Variants in PLIN2 observed in about 807,000 individuals in gnomAD.
PLIN2 encodes perilipin 2.
In PLIN2, 33 loss-of-function variants were observed where a neutral mutation model predicts 30.6. The observed-to-expected ratio is 1.08, with a 90% CI of 0.82 to 1.44. The LOEUF (loss-of-function observed/expected upper bound fraction) is 1.44, where lower values mean the gene tolerates loss of function less well. Among genes scored for constraint, PLIN2 ranks in the 40% most tolerant of loss-of-function variants. PLIN2 has a pLI of 0.00. For synonymous variants in PLIN2, 205 were observed against 201.1 expected (o/e 1.02, Z -0.16); for missense variants, 610 against 531.8 (o/e 1.15, Z -1.45).
At chr9:19,120,213 C>T (rs751883208) in intron 5 of PLIN2, among the ~76,000 whole-genome samples, 3 of 152,010 alleles carry the variant, frequency 2.0e-5, no homozygotes, top group Non-Finnish European at 2.9e-5. Context: ...AACAAGCCAC[C>T]ATGCCCAGCT....
Position 19,116,147 on chromosome 9 carries a change from G to C in PLIN2, c.*101C>G. 8.6e-7 allele frequency: 1 copy of C among 1,160,832 alleles called. No individual in the cohort carries two copies. Among genetic ancestry groups the C allele is most frequent in the African/African-American group, 1.5e-5 (1 of 65,134 alleles). 71.9% of individuals were successfully genotyped at this position (1,160,832 alleles called of 1,614,324 possible). ...ACTACAATTGAGGGCCTTTATACTA[G>C]CTACTTGCTTCCCAATTTAGGGTTG... is the stretch of plus-strand genomic sequence containing the variant. On this transcript the variant is annotated 3_prime_UTR_variant, in exon 8 of 8. Transcript: ENST00000276914.
intron 2 of PLIN2, among the ~76,000 whole-genome samples, chr9:19,109,532 C>T (rs532464012): frequency 5.1e-5 from 6 of 116,636 alleles, no homozygotes; most frequent in African/African-American, 1.6e-4. Flanking sequence ...CAGAGCGAGA[C>T]TCTGTCTGAA....
chr9:19,126,047 T>C, intron 3 of PLIN2, 67 bp downstream of exon 3: 1 of 1,363,982 alleles, frequency 7.3e-7, no homozygotes, highest in Admixed American at 1.8e-5. Flanking sequence ...CAGATGTTAC[T>C]GCTGTGAGCT....
intron 6 of PLIN2, among the ~76,000 whole-genome samples, chr9:19,118,941 C>G (rs1004892497): frequency 2.0e-5 from 3 of 152,208 alleles, no homozygotes; most frequent in Non-Finnish European, 4.4e-5. Flanking sequence ...GATCCAACCA[C>G]CTTGCCCTCC....
At chr9:19,122,064 G>T (rs545916721) in intron 4 of PLIN2, among the ~76,000 whole-genome samples, 24 of 124,968 alleles carry the variant, frequency 1.9e-4, no homozygotes, top group African/African-American at 7.4e-4. Context: ...AGCCGAGATT[G>T]TGCCACTGCA....
chr9:19,118,913 G>A (rs952966754), intron 6 of PLIN2, among the ~76,000 whole-genome samples: 1 of 152,130 alleles, frequency 6.6e-6, no homozygotes, highest in African/African-American at 2.4e-5. Context: ...GACTGGTCTC[G>A]AACTCCTGAC....
At chr9:19,113,700 A>G (rs1818184972), downstream of PLIN2, among the ~76,000 whole-genome samples, 1 of 151,496 alleles carries the variant, frequency 6.6e-6, no homozygotes. Flanking sequence ...TCAGCCCCCA[A>G]GTAGCTGGGG....
At chr9:19,111,958 T>C (rs992118499), downstream of PLIN2, among the ~76,000 whole-genome samples, 3 of 152,098 alleles carry the variant, frequency 2.0e-5, no homozygotes, top group Non-Finnish European at 4.4e-5. Flanking sequence ...TTCCTAACCA[T>C]GAGCTGGTAT....
chr9:19,117,213 G>A (rs916932244), intron 7 of PLIN2, among the ~76,000 whole-genome samples: 5 of 149,402 alleles, frequency 3.3e-5, no homozygotes, highest in African/African-American at 4.9e-5. Context: ...CAGGCTGGAG[G>A]GCACTGGCAC....
Position 19,116,398 on chromosome 9 carries a change from C to T in PLIN2, c.1164G>A (p.Val388=). The change falls in exon 8 of 8, where the codon GTG becomes GTA. Residue 388 remains valine (V), a synonymous_variant. Coordinates refer to ENST00000276914, the MANE Select transcript of PLIN2 (RefSeq NM_001122.4). ...LQKMKESLDD[V]MDYLVNNTPL... ...GCGTGTTGTTAACAAGATAATCCAT[C>T]ACGTCATCTAAAGATTCCTTCATTT... 1 of 1,614,220 alleles carries T rather than the reference C, an allele frequency of 6.2e-7. No individual in the cohort carries two copies. The highest frequency in any genetic ancestry group is 2.2e-5 in the East Asian group (1 of 44,888).
chr9:19,111,314 C>T (rs1818156598), downstream of PLIN2, among the ~76,000 whole-genome samples: 3 of 152,152 alleles, frequency 2.0e-5, no homozygotes. Flanking sequence ...TCCCAAAGTG[C>T]TAGGATTACA....
downstream of PLIN2, among the ~76,000 whole-genome samples, chr9:19,113,773 G>GTT (rs753031655): frequency 0.035 from 4,975 of 143,640 alleles, 134 homozygotes; most frequent in Non-Finnish European, 0.052. Context: ...TGTTATTTTT[G>GTT]GTTTTTTTTT....
In PLIN2 at chr9:19,126,261, C is replaced by T; in HGVS notation, c.79G>A (p.Asp27Asn). ...VNLPLVSSTY[D>N]LMSSAYLSTK... ...CTGAGATAGGCTGAGGACATGAGGT[C>T]ATACGTGGAGCTCACCAAGGGCAGG... The change falls in exon 3 of 8, where the codon GAC becomes AAC. Residue 27 changes from aspartate to asparagine, a missense_variant. Physicochemically the swap from Asp to Asn is conservative, Grantham distance 23. Coordinates refer to ENST00000276914, the MANE Select transcript of PLIN2 (RefSeq NM_001122.4). 6.2e-7 allele frequency: 1 copy of T among 1,614,142 alleles called. No homozygotes were observed. Among genetic ancestry groups the T allele is most frequent in the Non-Finnish European group, 8.5e-7 (1 of 1,180,018 alleles).
chr9:19,121,223 C>T, intron 4 of PLIN2, 58 bp from the exon 5 acceptor site: 1 of 1,493,166 alleles, frequency 6.7e-7, no homozygotes, highest in Non-Finnish European at 9.3e-7. Flanking sequence ...AAGGACATAC[C>T]TAAGGTCTTA....
chr9:19,118,389 A>G lies in PLIN2; in HGVS notation c.844T>C (p.Tyr282His), dbSNP rs144608280. 2.1e-5 allele frequency: 34 copies of G among 1,612,560 alleles called. No homozygotes were observed. The African/African-American group carries it at 4.4e-4, about 21-fold the overall frequency. ...CTTTTCCACTCTACCCATGAGAGGT[A>G]GAGCTTATCCTGAGCATCCTGAATT... ...QKIQDAQDKL[Y>H]LSWVEWKRSI... The change falls in exon 7 of 8, where the codon TAC (tyrosine) becomes CAC (histidine). Residue 282 changes from tyrosine to histidine, a missense_variant. Physicochemically the swap from Tyr to His is moderately conservative, Grantham distance 83 (BLOSUM62 2). Transcript: ENST00000276914.
intron 6 of PLIN2, among the ~76,000 whole-genome samples, chr9:19,118,781 C>T (rs1467842436): frequency 6.6e-6 from 1 of 152,176 alleles, no homozygotes; most frequent in Non-Finnish European, 1.5e-5. Context: ...GGCGCGATCA[C>T]AGCTCACTGA....
chr9:19,125,307 C>T (rs1818378317), intron 3 of PLIN2, among the ~76,000 whole-genome samples: 1 of 152,198 alleles, frequency 6.6e-6, no homozygotes, highest in African/African-American at 2.4e-5. Flanking sequence ...AGTCCTAGCA[C>T]TTTGGGAGGC....
At chr9:19,108,617 T>G (rs1165297940) in exon 3 of PLIN2, 1 of 152,666 alleles carries the variant, frequency 6.6e-6, no homozygotes, top group African/African-American at 2.4e-5. Context: ...TGTTAGTTAT[T>G]CAACATCTTG....
chr9:19,121,100 C>A lies in PLIN2; in HGVS notation c.375G>T (p.Gly125=). 1.9e-6 allele frequency: 3 copies of A among 1,614,148 alleles called. No homozygotes were observed. Among genetic ancestry groups the A allele is most frequent in the Non-Finnish European group, 2.5e-6 (3 of 1,180,012 alleles). The change falls in exon 5 of 8, where the codon GGG becomes GGT. Residue 125 remains glycine (G), a synonymous_variant. Coordinates refer to ENST00000276914, the MANE Select transcript of PLIN2 (RefSeq NM_001122.4). ...AKDAVTTTVT[G]AKDSVASTIT... ...TCGTGCTGGCCACAGAATCCTTGGC[C>A]CCAGTCACAGTAGTCGTCACAGCAT... is the stretch of plus-strand genomic sequence containing the variant.
Sources: gnomAD v4.1 joint callset for allele counts (sites outside exome capture counted in the v4.1 genomes callset) on GRCh38, gnomAD v4.1.1 for gene constraint, MANE v1.5 for transcripts, NCBI Gene and HGNC (gene_info 2026-07-23, HGNC 2026-07-21) for gene names.